The following PKIA variants were observed in gnomAD, a reference collection of about 807,000 sequenced individuals.
PKIA encodes the protein PKI-alpha.
Under a neutral mutation model 7.6 loss-of-function variants are expected in PKIA, and 4 were observed. The ratio of observed to expected loss-of-function variants is 0.52; its 90% CI spans 0.26 to 1.20. The LOEUF is 1.20. Ranked by LOEUF, PKIA falls within the 50% of genes most tolerant of loss-of-function variation. The pLI is 0.13. For missense variants in PKIA, 73 were observed against 86.2 expected (o/e 0.85, Z 0.61); for synonymous variants, 21 against 30.7 (o/e 0.68, Z 1.04).
Position 78,602,065 on chromosome 8 carries a change from G to C in PKIA, c.*244G>C, listed in dbSNP as rs770126489. 1.4e-5 allele frequency: 7 copies of C among 510,112 alleles called. No individual in the cohort carries two copies. The highest frequency in any genetic ancestry group is 2.1e-5 in the Non-Finnish European group (6 of 287,240). The allele number at this position is 510,112 out of a possible 1,614,324, so 31.6% of individuals were successfully genotyped here. On this transcript the variant is annotated 3_prime_UTR_variant, in exon 4 of 4. Transcript: ENST00000396418. ...TGTGTTTGGGCGTCATTTTTGTATGGATCCTTTCACTTGATCATATGACGA... is the reference window on the plus strand; with the variant it reads ...TGTGTTTGGGCGTCATTTTTGTATGCATCCTTTCACTTGATCATATGACGA...
At chr8:78,544,938 C>T (rs916284690) in intron 1 of PKIA, among the ~76,000 whole-genome samples, 1 of 151,776 alleles carries the variant, frequency 6.6e-6, no homozygotes, top group Non-Finnish European at 1.5e-5. Flanking sequence ...GTAATAGAGG[C>T]CTGATTAAAT....
rs1808441528 is a variant in PKIA at position 78,605,066 on chromosome 8, A to G, written c.*3245A>G. 6.6e-6 allele frequency: 1 copy of G among 151,984 alleles called. No individual in the cohort carries two copies. Among genetic ancestry groups the G allele is most frequent in the Non-Finnish European group, 1.5e-5 (1 of 67,946 alleles). 9.4% of individuals were successfully genotyped at this position (151,984 alleles called of 1,614,324 possible). A position where few individuals can be genotyped will look rare whatever the true frequency, so the allele number is the denominator to read the frequency against. On this transcript the variant is annotated 3_prime_UTR_variant, in exon 4 of 4. Coordinates refer to ENST00000396418, the MANE Select transcript of PKIA (RefSeq NM_006823.4). ...AAGTGAAACCTGTAGTAGCAGTAGTAGTAGGGAGAAAATGTGTAGTCATCA... is the reference window on the plus strand; with the variant it reads ...AAGTGAAACCTGTAGTAGCAGTAGTGGTAGGGAGAAAATGTGTAGTCATCA...
intron 1 of PKIA, among the ~76,000 whole-genome samples, chr8:78,544,755 G>A (rs529764033): frequency 6.6e-6 from 1 of 152,122 alleles, no homozygotes; most frequent in Non-Finnish European, 1.5e-5. Flanking sequence ...ACTAATGTAC[G>A]TACCTTATCT....
intron 1 of PKIA, among the ~76,000 whole-genome samples, chr8:78,549,419 T>C (rs1317972346): frequency 6.6e-6 from 1 of 152,052 alleles, no homozygotes; most frequent in African/African-American, 2.4e-5. Context: ...TAGAACTAAA[T>C]TTAAGCTTAA....
intron 2 of PKIA, among the ~76,000 whole-genome samples, chr8:78,590,892 G>A (rs1376120097): frequency 6.6e-6 from 1 of 152,058 alleles, no homozygotes; most frequent in East Asian, 1.9e-4. Flanking sequence ...TACTAATGTA[G>A]ACCAAACACT....
chr8:78,575,196 T>A (rs990457587), intron 2 of PKIA, among the ~76,000 whole-genome samples: 2 of 152,024 alleles, frequency 1.3e-5, no homozygotes, highest in African/African-American at 4.8e-5. Flanking sequence ...AATAAACTCT[T>A]GCAAACACAC....
intron 1 of PKIA, among the ~76,000 whole-genome samples, chr8:78,551,008 A>G (rs73241270): frequency 0.034 from 5,099 of 152,162 alleles, 95 homozygotes; most frequent in African/African-American, 0.041. Context: ...TACTCTTGAC[A>G]AGAGACTATG....
At chr8:78,571,086 G>A (rs1348357389) in intron 1 of PKIA, among the ~76,000 whole-genome samples, 1 of 151,646 alleles carries the variant, frequency 6.6e-6, no homozygotes, top group Non-Finnish European at 1.5e-5. Flanking sequence ...TATACATTAG[G>A]TGTTCAGTGA....
chr8:78,589,901 G>A (rs1411571400), intron 2 of PKIA, among the ~76,000 whole-genome samples: 8 of 152,182 alleles, frequency 5.3e-5, no homozygotes, highest in Non-Finnish European at 1.0e-4. Context: ...TGTGGGTTGA[G>A]AGCTGAGCCA....
intron 2 of PKIA, among the ~76,000 whole-genome samples, chr8:78,590,750 A>AC (rs1212486992): frequency 1.3e-5 from 2 of 151,960 alleles, no homozygotes; most frequent in Non-Finnish European, 2.9e-5. Context: ...TACTTATTTA[A>AC]TTTTTTTCAG....
At chr8:78,540,020 A>G (rs1011005661) in intron 1 of PKIA, among the ~76,000 whole-genome samples, 3 of 152,084 alleles carry the variant, frequency 2.0e-5, no homozygotes, top group South Asian at 4.1e-4. Flanking sequence ...GGTCAAGAAG[A>G]AAGAGGAGTG....
chr8:78,557,407 A>G (rs1023134652), intron 1 of PKIA, among the ~76,000 whole-genome samples: 1 of 152,204 alleles, frequency 6.6e-6, no homozygotes, highest in African/African-American at 2.4e-5. Flanking sequence ...CAGGTTACCA[A>G]AAAGAATAAT....
intron 1 of PKIA, among the ~76,000 whole-genome samples, chr8:78,552,712 A>G (rs987938253): frequency 1.3e-5 from 2 of 152,032 alleles, no homozygotes; most frequent in East Asian, 1.9e-4. Context: ...GGGAAGAATG[A>G]GTATTTTAAC....
At chr8:78,537,173 TTTAG>T (rs919217286) in intron 1 of PKIA, among the ~76,000 whole-genome samples, 8 of 150,812 alleles carry the variant, frequency 5.3e-5, no homozygotes, top group African/African-American at 1.9e-4. Context: ...CAAGGTTTAG[TTTAG>T]TTTTTTTTTT....
At chr8:78,593,969 T>C (rs998169425) in intron 2 of PKIA, among the ~76,000 whole-genome samples, 1 of 152,234 alleles carries the variant, frequency 6.6e-6, no homozygotes, top group Non-Finnish European at 1.5e-5. Context: ...ATATATTTCT[T>C]CCTCATTGGT....
At chr8:78,534,293 C>T (rs1806463576) in intron 1 of PKIA, 2 of 152,022 alleles carry the variant, frequency 1.3e-5, no homozygotes, top group African/African-American at 4.8e-5. Context: ...AAAGTTCTAT[C>T]AGAAGGTAGG....
intron 2 of PKIA, among the ~76,000 whole-genome samples, chr8:78,589,928 A>C (rs189474964): frequency 6.6e-6 from 1 of 152,278 alleles, no homozygotes; most frequent in Non-Finnish European, 1.5e-5. Context: ...ATTTTCATGG[A>C]TCACCATTTT....
At chr8:78,584,288 T>G (rs1238356979) in intron 2 of PKIA, among the ~76,000 whole-genome samples, 1 of 152,038 alleles carries the variant, frequency 6.6e-6, no homozygotes, top group Admixed American at 6.6e-5. Context: ...GGGCCAGCCA[T>G]TGGTAAGTTT....
intron 2 of PKIA, among the ~76,000 whole-genome samples, chr8:78,576,602 T>A (rs7819610): frequency 0.035 from 5,258 of 152,008 alleles, 296 homozygotes; most frequent in African/African-American, 0.12. Flanking sequence ...AAAATAAAAT[T>A]AAATTAAAAT....
Sources: gnomAD v4.1 joint callset for allele counts (sites outside exome capture counted in the v4.1 genomes callset) on GRCh38, gnomAD v4.1.1 for gene constraint, MANE v1.5 for transcripts, NCBI Gene and HGNC (gene_info 2026-07-23, HGNC 2026-07-21) for gene names.